The following PIK3C3 variants were observed in gnomAD, a reference collection of about 807,000 sequenced individuals.
The protein encoded by PIK3C3 is PI3-kinase type 3.
PIK3C3 carries 95 observed loss-of-function variants against 126.1 expected under a neutral mutation model. The ratio of observed to expected loss-of-function variants is 0.75; its 90% CI spans 0.64 to 0.89. PIK3C3 has a LOEUF of 0.89. Ranked by LOEUF, PIK3C3 falls within the 40% of genes least tolerant of loss-of-function variation. PIK3C3 has a pLI of 0.00. For missense variants in PIK3C3, 829 were observed against 1,063.2 expected, an observed-to-expected ratio of 0.78 and a Z score of 3.06; for synonymous variants, 374 against 360.0, an observed-to-expected ratio of 1.04 and a Z score of -0.44.
At chr18:42,019,425 A>G (rs1344985119) in intron 12 of PIK3C3, among the ~76,000 whole-genome samples, 1 of 152,168 alleles carries the variant, frequency 6.6e-6, no homozygotes, top group Non-Finnish European at 1.5e-5. Flanking sequence ...CTAAGTTACA[A>G]AATGACCTTA....
chr18:42,081,166 G>A lies in PIK3C3; in HGVS notation c.*29G>A. ...TGGGATTGACCCATCAAGATGCTTG[G>A]CTCAATAAGAAAACCACGTTAGGAG... On this transcript the variant is annotated 3_prime_UTR_variant, in exon 25 of 25. Coordinates refer to ENST00000262039, the MANE Select transcript of PIK3C3 (RefSeq NM_002647.4). The A allele has an allele frequency of 1.3e-6, 2 of 1,555,342 alleles. No homozygotes were observed. Among genetic ancestry groups the A allele is most frequent in the Non-Finnish European group, 1.8e-6 (2 of 1,135,108 alleles).
chr18:42,007,802 A>G (rs970079536), intron 10 of PIK3C3, among the ~76,000 whole-genome samples: 1 of 152,206 alleles, frequency 6.6e-6, no homozygotes, highest in African/African-American at 2.4e-5. Context: ...TTTTCATTGC[A>G]TTAGCTAAAA....
chr18:41,962,753 A>C, intron 3 of PIK3C3, 121 bp downstream of exon 3: 1 of 763,074 alleles, frequency 1.3e-6, no homozygotes, highest in Non-Finnish European at 2.0e-6. Flanking sequence ...AGTTAGGTAC[A>C]TATGATTTGA....
chr18:41,969,636 T>TTATGGAAAAGAA (rs1163394026), intron 3 of PIK3C3, among the ~76,000 whole-genome samples: 1 of 152,222 alleles, frequency 6.6e-6, no homozygotes, highest in Non-Finnish European at 1.5e-5. Context: ...AACATGCCTT[T>TTATGGAAAAGAA]TATGGAAAAG....
In PIK3C3 at chr18:42,040,677, G is replaced by C. The variant is rs1984271977; in HGVS notation, c.2039G>C (p.Gly680Ala). ...YKVLATSTKH[G>A]FMQFIQSVPV... Reference sequence around the variant, plus strand: ...ATGCAGTGCATACATTTCTGTGTAGGCTTCATGCAGTTTATCCAGTCAGTT... The same window carrying C: ...ATGCAGTGCATACATTTCTGTGTAGCCTTCATGCAGTTTATCCAGTCAGTT... Residue 680 changes from glycine to alanine, a missense_variant and splice_region_variant, in exon 19 of 25, where the codon GGC (glycine) becomes GCC (alanine). Gly to Ala is a moderately conservative substitution (Grantham distance 60). Transcript: ENST00000262039. The C allele has an allele frequency of 6.2e-7, 1 of 1,606,800 alleles. No individual in the cohort carries two copies. Among genetic ancestry groups the C allele is most frequent in the Non-Finnish European group, 8.5e-7 (1 of 1,174,110 alleles).
intron 19 of PIK3C3, 39 bp downstream of exon 19, chr18:42,040,780 T>C: frequency 7.7e-7 from 1 of 1,298,292 alleles, no homozygotes; most frequent in Non-Finnish European, 1.1e-6. Flanking sequence ...CATGAATATA[T>C]TCTTGTCATA....
intron 18 of PIK3C3, 32 bp from the exon 19 acceptor site, chr18:42,040,645 A>T: frequency 2.1e-6 from 3 of 1,462,602 alleles, no homozygotes; most frequent in Non-Finnish European, 2.8e-6. Flanking sequence ...ACCAGTAGCT[A>T]TGCTTAATGC....
At chr18:41,986,108 T>A (rs1270275581) in intron 4 of PIK3C3, among the ~76,000 whole-genome samples, 2 of 152,246 alleles carry the variant, frequency 1.3e-5, no homozygotes, top group East Asian at 3.9e-4. Flanking sequence ...GGTAGGAGTA[T>A]AGGCTTTAGA....
At chr18:41,980,021 T>G (rs1261008359) in intron 4 of PIK3C3, among the ~76,000 whole-genome samples, 1 of 152,108 alleles carries the variant, frequency 6.6e-6, no homozygotes. Flanking sequence ...GAATAAATTA[T>G]GTGAAATAAT....
At chr18:41,961,417 C>G (rs1243804250) in intron 2 of PIK3C3, among the ~76,000 whole-genome samples, 1 of 152,048 alleles carries the variant, frequency 6.6e-6, no homozygotes, top group Non-Finnish European at 1.5e-5. Flanking sequence ...TAGATACTGG[C>G]TTTCTTAAGC....
chr18:42,020,254 T>G (rs1983260482), intron 12 of PIK3C3, among the ~76,000 whole-genome samples: 2 of 152,164 alleles, frequency 1.3e-5, no homozygotes, highest in African/African-American at 4.8e-5. Context: ...TTATTTACAT[T>G]ACTTAGCATT....
chr18:42,076,124 G>GATATATATATATATA (rs1985987470), intron 24 of PIK3C3, among the ~76,000 whole-genome samples: 1 of 67,210 alleles, frequency 1.5e-5, no homozygotes, highest in African/African-American at 6.4e-5. Context: ...ATATATATGC[G>GATATATATATATATA]CATATATATA....
intron 3 of PIK3C3, among the ~76,000 whole-genome samples, chr18:41,969,259 A>T (rs1213188311): frequency 6.6e-6 from 1 of 152,120 alleles, no homozygotes; most frequent in African/African-American, 2.4e-5. Flanking sequence ...AGTAAGAAAT[A>T]ACTTATTGAG....
At chr18:41,967,603 G>A (rs1980435380) in intron 3 of PIK3C3, among the ~76,000 whole-genome samples, 1 of 152,162 alleles carries the variant, frequency 6.6e-6, no homozygotes, top group African/African-American at 2.4e-5. Context: ...TCAGTATGAG[G>A]CAGAACTTCT....
At chr18:42,032,624 T>TTTTATTTATTTATTTA (rs139558444) in intron 15 of PIK3C3, among the ~76,000 whole-genome samples, 12 of 144,010 alleles carry the variant, frequency 8.3e-5, no homozygotes, top group East Asian at 4.1e-4. Flanking sequence ...TTTCTGGTTA[T>TTTTATTTATTTATTTA]TTTATTTATT....
At chr18:42,011,491 T>A (rs1982824707) in intron 10 of PIK3C3, among the ~76,000 whole-genome samples, 1 of 152,196 alleles carries the variant, frequency 6.6e-6, no homozygotes, top group African/African-American at 2.4e-5. Flanking sequence ...TCAGCTTTTA[T>A]AGAAATGGAG....
Position 42,085,024 on chromosome 18 carries a change from A to T in PIK3C3, c.*3887A>T, listed in dbSNP as rs958497713. On this transcript the variant is annotated 3_prime_UTR_variant, in exon 25 of 25. Coordinates refer to ENST00000262039, the MANE Select transcript of PIK3C3 (RefSeq NM_002647.4). ...CGCTGGTCATCCAACCCAACCAGGT[A>T]TCTCTTGTTATATGCTAACTTCATT... is the stretch of plus-strand genomic sequence containing the variant. 6.6e-6 allele frequency: 1 copy of T among 152,250 alleles called. No individual in the cohort carries two copies. The allele number at this position is 152,250 out of a possible 1,614,324, so 9.4% of individuals were successfully genotyped here.
At chr18:42,045,437 G>A (rs1292631019) in intron 20 of PIK3C3, among the ~76,000 whole-genome samples, 2 of 152,078 alleles carry the variant, frequency 1.3e-5, no homozygotes, top group Non-Finnish European at 2.9e-5. Flanking sequence ...GGCTCAACTA[G>A]GCTGAACATC....
chr18:41,955,612 A>G (rs962441505), intron 1 of PIK3C3, among the ~76,000 whole-genome samples: 3 of 152,208 alleles, frequency 2.0e-5, no homozygotes, highest in Non-Finnish European at 4.4e-5. Flanking sequence ...GCTGTATTTT[A>G]CAGTCTTTAA....
Sources: gnomAD v4.1 joint callset for allele counts (sites outside exome capture counted in the v4.1 genomes callset) on GRCh38, gnomAD v4.1.1 for gene constraint, MANE v1.5 for transcripts, NCBI Gene and HGNC (gene_info 2026-07-23, HGNC 2026-07-21) for gene names.